The following RPS6KA5 variants were observed in gnomAD, a reference collection of about 807,000 sequenced individuals.
The protein encoded by RPS6KA5 is ribosomal protein S6 kinase A5, also known as ribosomal protein S6 kinase alpha-5.
In RPS6KA5, 27 loss-of-function variants were observed where a neutral mutation model predicts 85.5. The ratio of observed to expected loss-of-function variants is 0.32; its 90% CI spans 0.23 to 0.44. RPS6KA5 has a LOEUF of 0.44. RPS6KA5 is among the 20% of genes least tolerant of loss of function. The probability of loss-of-function intolerance (pLI) is 1.00; values close to 1 mark genes in which losing one functional copy is unlikely to be tolerated. For missense variants in RPS6KA5, 811 were observed against 980.9 expected (o/e 0.83, Z 2.31); for synonymous variants, 334 against 348.2 (o/e 0.96, Z 0.46).
At chr14:90,957,721 G>C (rs896547077) in intron 3 of RPS6KA5, among the ~76,000 whole-genome samples, 1 of 152,142 alleles carries the variant, frequency 6.6e-6, no homozygotes, top group African/African-American at 2.4e-5. Context: ...GACCCCAGGA[G>C]GACCCTTCTT....
chr14:90,940,197 C>G (rs1157698224), intron 5 of RPS6KA5, among the ~76,000 whole-genome samples: 3 of 152,152 alleles, frequency 2.0e-5, no homozygotes, highest in African/African-American at 7.2e-5. Flanking sequence ...ATATGCAACC[C>G]TTAAAGCTTA....
chr14:90,868,678 A>G lies in RPS6KA5; in HGVS notation c.*3396T>C, dbSNP rs575726668. 1 of 152,330 alleles carries G rather than the reference A, an allele frequency of 6.6e-6. No homozygotes were observed. The highest frequency in any genetic ancestry group is 1.5e-5 in the Non-Finnish European group (1 of 68,018). 9.4% of individuals were successfully genotyped at this position (152,330 alleles called of 1,614,324 possible). A position where few individuals can be genotyped will look rare whatever the true frequency, so the allele number is the denominator to read the frequency against. On this transcript the variant is annotated 3_prime_UTR_variant, in exon 17 of 17. Coordinates refer to ENST00000614987, the MANE Select transcript of RPS6KA5 (RefSeq NM_004755.4). Reference sequence around the variant, plus strand: ...ACCATTATGAGGTACCCTGTTTTTAATAAATATGACAATAACAGGCGCTTG... The same window carrying G: ...ACCATTATGAGGTACCCTGTTTTTAGTAAATATGACAATAACAGGCGCTTG...
intron 1 of RPS6KA5, among the ~76,000 whole-genome samples, chr14:91,058,361 C>T (rs2043411663): frequency 6.6e-6 from 1 of 152,160 alleles, no homozygotes; most frequent in African/African-American, 2.4e-5. Context: ...GGAAATAAAG[C>T]AGTACTCATT....
chr14:91,056,717 G>T (rs1454942503), intron 1 of RPS6KA5, among the ~76,000 whole-genome samples: 1 of 152,076 alleles, frequency 6.6e-6, no homozygotes, highest in Admixed American at 6.5e-5. Context: ...TACTAAATAA[G>T]TGGGTAAGAT....
At chr14:90,936,018 C>A (rs149275631) in intron 5 of RPS6KA5, among the ~76,000 whole-genome samples, 5 of 152,266 alleles carry the variant, frequency 3.3e-5, no homozygotes, top group Middle Eastern at 3.4e-3. Flanking sequence ...CTACCAGATT[C>A]TCTGACTTGA....
rs1036513885 is a variant in RPS6KA5 at position 90,869,667 on chromosome 14, A to G, written c.*2407T>C. 1 of 152,178 alleles carries G rather than the reference A, an allele frequency of 6.6e-6. No homozygotes were observed. Among genetic ancestry groups the G allele is most frequent in the Non-Finnish European group, 1.5e-5 (1 of 68,022 alleles). 9.4% of individuals were successfully genotyped at this position (152,178 alleles called of 1,614,324 possible). A position where few individuals can be genotyped will look rare whatever the true frequency, so the allele number is the denominator to read the frequency against. On this transcript the variant is annotated 3_prime_UTR_variant, in exon 17 of 17. Transcript: ENST00000614987. ...AGAGTCCTATCATTTAACTTTTTAT[A>G]TATTTTGTAGTGTTTATTTTTGATG...
intron 3 of RPS6KA5, among the ~76,000 whole-genome samples, chr14:90,966,209 A>G (rs908658403): frequency 6.6e-6 from 1 of 152,186 alleles, no homozygotes; most frequent in African/African-American, 2.4e-5. Flanking sequence ...GGCTTAGAAA[A>G]GCTCTTTGAA....
chr14:90,938,871 T>G (rs968601146), intron 5 of RPS6KA5, among the ~76,000 whole-genome samples: 1 of 152,208 alleles, frequency 6.6e-6, no homozygotes, highest in East Asian at 1.9e-4. Flanking sequence ...GTCTCTGGCA[T>G]GCCCTGAGCC....
At chr14:90,952,228 T>C (rs1177746790) in intron 3 of RPS6KA5, among the ~76,000 whole-genome samples, 1 of 152,220 alleles carries the variant, frequency 6.6e-6, no homozygotes, top group Non-Finnish European at 1.5e-5. Flanking sequence ...GTGGGAAATA[T>C]CAAAATTTGG....
intron 5 of RPS6KA5, among the ~76,000 whole-genome samples, chr14:90,936,296 G>A (rs1203381329): frequency 6.6e-6 from 1 of 152,190 alleles, no homozygotes; most frequent in Non-Finnish European, 1.5e-5. Context: ...GCTGGGCCTG[G>A]TGGCTCATGC....
Position 90,872,138 on chromosome 14 carries a change from G to A in RPS6KA5, c.2345C>T (p.Pro782Leu). The A allele has an allele frequency of 6.2e-7, 1 of 1,613,944 alleles. No individual in the cohort carries two copies. The highest frequency in any genetic ancestry group is 8.5e-7 in the Non-Finnish European group (1 of 1,179,986). ...GTTATTGCTGTCGGCAGGATTGCTG[G>A]GCTGCAGTGTCTTGGTGGGTGTAGT... is the stretch of plus-strand genomic sequence containing the variant. ...GKTTPTKTLQ[P>L]SNPADSNNPE... is the part of the protein sequence containing the mutation. The change falls in exon 17 of 17, where the codon CCC (proline) becomes CTC (leucine). Residue 782 changes from proline to leucine, a missense_variant. Transcript: ENST00000614987.
chr14:90,932,083 A>G (rs193294008), intron 5 of RPS6KA5, among the ~76,000 whole-genome samples: 190 of 152,290 alleles, frequency 1.2e-3, no homozygotes, highest in African/African-American at 4.5e-3. Flanking sequence ...AAAACCATAT[A>G]ATCAGGTTGG....
chr14:91,005,013 T>C (rs2040958792), intron 1 of RPS6KA5, among the ~76,000 whole-genome samples: 1 of 151,924 alleles, frequency 6.6e-6, no homozygotes, highest in Non-Finnish European at 1.5e-5. Flanking sequence ...AACAGTTCCA[T>C]CACCCTGAAA....
intron 1 of RPS6KA5, among the ~76,000 whole-genome samples, chr14:91,048,640 T>G (rs1290730917): frequency 6.6e-6 from 1 of 152,078 alleles, no homozygotes; most frequent in Non-Finnish European, 1.5e-5. Context: ...ACAAACATAA[T>G]GAGGCCAAGG....
chr14:90,858,899 G>A lies in RPS6KA5; in HGVS notation c.*13175C>T, dbSNP rs888997548. 1 of 152,190 alleles carries A rather than the reference G, an allele frequency of 6.6e-6. No individual in the cohort carries two copies. The highest frequency in any genetic ancestry group is 1.5e-5 in the Non-Finnish European group (1 of 68,030). The allele number at this position is 152,190 out of a possible 1,614,324, so 9.4% of individuals were successfully genotyped here. ...GACTTAAGGGGCAAAATCCCAGAGC[G>A]AAGAAACCTCAGGGAAGTGAGCCTG... On this transcript the variant is annotated 3_prime_UTR_variant, in exon 17 of 17. Coordinates refer to ENST00000614987, the MANE Select transcript of RPS6KA5 (RefSeq NM_004755.4).
At chr14:90,901,520 C>A (rs2035169434) in intron 9 of RPS6KA5, among the ~76,000 whole-genome samples, 1 of 152,106 alleles carries the variant, frequency 6.6e-6, no homozygotes, top group Admixed American at 6.5e-5. Context: ...TGGAAAGGAA[C>A]AAAGTCTAAT....
In RPS6KA5 at chr14:90,983,817, GTCTC is replaced by G. The variant is rs531667852; in HGVS notation, c.176-5297_176-5294del. ...TCTCTCTCTCTCTCTCTCTCTCTCT[GTCTC>G]TCTCTCTCTCTCTCTCTCTTTCTTT... On this transcript the variant is annotated intron_variant, in intron 2 of 16. Transcript: ENST00000614987. Among the ~76,000 whole-genome samples the G allele has an allele frequency of 8.3e-3, 921 of 111,110 alleles. 8 individuals are homozygous for G. Among genetic ancestry groups the G allele is most frequent in the African/African-American group, 0.021 (557 of 26,742 alleles). 72.9% of individuals were successfully genotyped at this position (111,110 alleles called of 152,430 possible). A position where few individuals can be genotyped will look rare whatever the true frequency, so the allele number is the denominator to read the frequency against.
intron 5 of RPS6KA5, among the ~76,000 whole-genome samples, chr14:90,930,814 C>T (rs1264592432): frequency 6.6e-6 from 1 of 152,022 alleles, no homozygotes; most frequent in African/African-American, 2.4e-5. Context: ...GAGATAAACG[C>T]GAATCAGAAT....
chr14:90,887,944 G>A (rs544181186), intron 14 of RPS6KA5, among the ~76,000 whole-genome samples: 460 of 45,356 alleles, frequency 0.01, no homozygotes, highest in Admixed American at 0.025. Flanking sequence ...GGAGGCTATC[G>A]CAAAAAAAAA....
Sources: gnomAD v4.1 joint callset for allele counts (sites outside exome capture counted in the v4.1 genomes callset) on GRCh38, gnomAD v4.1.1 for gene constraint, MANE v1.5 for transcripts, NCBI Gene and HGNC (gene_info 2026-07-23, HGNC 2026-07-21) for gene names.